Variants in ASB3 observed in about 807,000 individuals in gnomAD.
ASB3 encodes the protein ankyrin repeat and SOCS box protein 3.
A neutral mutation model predicts 54.5 loss-of-function variants in ASB3; 41 were observed. The ratio of observed to expected loss-of-function variants is 0.75; its 90% confidence interval spans 0.59 to 0.98. ASB3 has a LOEUF of 0.98. ASB3 is among the 50% of genes least tolerant of loss of function. ASB3 has a pLI of 0.00. For synonymous variants in ASB3, 266 were observed against 221.2 expected (o/e 1.20, Z -1.80); for missense variants, 733 against 620.0 (o/e 1.18, Z -1.94).
chr2:53,719,774 T>C (rs1465821238), intron 5 of ASB3, among the ~76,000 whole-genome samples: 2 of 152,190 alleles, frequency 1.3e-5, no homozygotes, highest in South Asian at 2.1e-4. Flanking sequence ...AGTAAACCTG[T>C]CTTTAACTGC....
intron 5 of ASB3, among the ~76,000 whole-genome samples, chr2:53,720,575 T>C (rs542281028): frequency 6.6e-5 from 10 of 152,294 alleles, no homozygotes; most frequent in African/African-American, 1.7e-4. Flanking sequence ...ACACCCAACA[T>C]TGAAGCATCC....
intron 5 of ASB3, among the ~76,000 whole-genome samples, chr2:53,719,573 A>G (rs12990015): frequency 1.3e-5 from 2 of 151,842 alleles, no homozygotes; most frequent in Admixed American, 1.3e-4. Context: ...GAAAGACGTC[A>G]GCCCCAAGAT....
At chr2:53,724,193 T>G (rs958441952) in intron 5 of ASB3, among the ~76,000 whole-genome samples, 1 of 152,188 alleles carries the variant, frequency 6.6e-6, no homozygotes, top group Non-Finnish European at 1.5e-5. Context: ...GCTAACTAGG[T>G]ATCTTTATAG....
chr2:53,753,184 A>C (rs921783438), intron 2 of ASB3, among the ~76,000 whole-genome samples: 2 of 152,350 alleles, frequency 1.3e-5, no homozygotes, highest in East Asian at 3.9e-4. Flanking sequence ...ACTGGTCTAC[A>C]TAACTTTGAT....
intron 3 of ASB3, 122 bp from the exon 4 acceptor site, chr2:53,729,692 A>G: frequency 4.1e-6 from 3 of 740,580 alleles, no homozygotes; most frequent in Non-Finnish European, 6.8e-6. Flanking sequence ...TTATTCCTAA[A>G]CAGTTATCAC....
chr2:53,741,145 T>C (rs1671910464), intron 3 of ASB3, among the ~76,000 whole-genome samples: 1 of 152,222 alleles, frequency 6.6e-6, no homozygotes, highest in African/African-American at 2.4e-5. Context: ...ATGGACAGAC[T>C]ATCCTTAATC....
intron 8 of ASB3, among the ~76,000 whole-genome samples, chr2:53,699,126 C>G (rs1227331152): frequency 2.0e-5 from 3 of 152,176 alleles, no homozygotes; most frequent in Non-Finnish European, 2.9e-5. Context: ...TGTGTCATAA[C>G]ATGGCAGAGG....
intron 9 of ASB3, among the ~76,000 whole-genome samples, chr2:53,690,286 G>A (rs957553835): frequency 6.6e-6 from 1 of 151,944 alleles, no homozygotes; most frequent in Non-Finnish European, 1.5e-5. Flanking sequence ...TAAAAACTGA[G>A]TTGAGACATA....
intron 1 of ASB3, among the ~76,000 whole-genome samples, chr2:53,785,873 G>A (rs1169334263): frequency 6.6e-6 from 1 of 152,210 alleles, no homozygotes; most frequent in Non-Finnish European, 1.5e-5. Context: ...AATCCCAGGA[G>A]TCTGGATCAC....
chr2:53,704,425 A>G (rs147096092), intron 7 of ASB3, among the ~76,000 whole-genome samples: 1,557 of 152,118 alleles, frequency 0.01, 25 homozygotes, highest in African/African-American at 0.036. Flanking sequence ...ATTATATTCA[A>G]TTGTCCTTGC....
chr2:53,706,804 C>T (rs995611207), intron 7 of ASB3, among the ~76,000 whole-genome samples: 1 of 152,046 alleles, frequency 6.6e-6, no homozygotes, highest in African/African-American at 2.4e-5. Flanking sequence ...ATTCTTATGC[C>T]CAATACTAGT....
In ASB3 at chr2:53,784,138, T is replaced by C. The variant is rs115051475; in HGVS notation, c.-14+2683A>G. Among the ~76,000 whole-genome samples, 461 of 152,350 alleles carry C rather than the reference T, an allele frequency of 3.0e-3. 2 individuals carry two copies. Among genetic ancestry groups the C allele is most frequent in the African/African-American group, 0.01 (430 of 41,576 alleles). Reference sequence around the variant, plus strand: ...TCTCTGCAGATGCAATCATACTTAATAGTTTTATAGCGAATGATGATTGTA... The same window carrying C: ...TCTCTGCAGATGCAATCATACTTAACAGTTTTATAGCGAATGATGATTGTA... On this transcript the variant is annotated intron_variant, in intron 1 of 9. Transcript: ENST00000263634.
At chr2:53,784,228 A>G (rs1403354690) in intron 1 of ASB3, among the ~76,000 whole-genome samples, 1 of 152,266 alleles carries the variant, frequency 6.6e-6, no homozygotes, top group African/African-American at 2.4e-5. Flanking sequence ...TAAATAAAGC[A>G]TAAAAGACTT....
intron 3 of ASB3, among the ~76,000 whole-genome samples, chr2:53,742,129 C>G (rs544774468): frequency 1.5e-4 from 23 of 152,166 alleles, no homozygotes; most frequent in Non-Finnish European, 4.4e-5. Context: ...AAGAATCACA[C>G]AAAGTGGTCT....
intron 5 of ASB3, among the ~76,000 whole-genome samples, chr2:53,727,663 A>C (rs1313021489): frequency 6.6e-6 from 1 of 152,128 alleles, no homozygotes; most frequent in Non-Finnish European, 1.5e-5. Flanking sequence ...GCAAACAAAC[A>C]AACTTTGTAT....
intron 7 of ASB3, among the ~76,000 whole-genome samples, chr2:53,711,309 C>G (rs1421890004): frequency 2.0e-5 from 3 of 152,150 alleles, no homozygotes; most frequent in Non-Finnish European, 2.9e-5. Context: ...ATTCCTCTGA[C>G]CAGAAAAACA....
At chr2:53,768,156 T>A in intron 1 of ASB3, 1 of 1,044,082 alleles carries the variant, frequency 9.6e-7, no homozygotes, top group Non-Finnish European at 1.3e-6. Flanking sequence ...GGGTAACATT[T>A]CTGTAGATTT....
intron 2 of ASB3, among the ~76,000 whole-genome samples, chr2:53,752,726 C>T (rs924046163): frequency 1.3e-5 from 2 of 152,156 alleles, no homozygotes; most frequent in African/African-American, 4.8e-5. Flanking sequence ...AGCATTGAAG[C>T]GTGCCTAGAC....
Position 53,779,999 on chromosome 2 carries a change from G to A in ASB3, c.-14+6822C>T, listed in dbSNP as rs115401559. Among the ~76,000 whole-genome samples the A allele has an allele frequency of 7.5e-3, 1,141 of 152,232 alleles. 17 individuals carry two copies. Among genetic ancestry groups the A allele is most frequent in the African/African-American group, 0.026 (1,094 of 41,478 alleles). ...ATTACATGATAGTAAAAGGTTACAT[G>A]CTGAAAGATTCTCAACTAAAGAGCC... is the stretch of plus-strand genomic sequence containing the variant. On this transcript the variant is annotated intron_variant, in intron 1 of 9. Coordinates refer to ENST00000263634, the MANE Select transcript of ASB3 (RefSeq NM_016115.5).
Sources: gnomAD v4.1 joint callset for allele counts (sites outside exome capture counted in the v4.1 genomes callset) on GRCh38, gnomAD v4.1.1 for gene constraint, MANE v1.5 for transcripts, NCBI Gene and HGNC (gene_info 2026-07-23, HGNC 2026-07-21) for gene names.